The following LRP1B variants were observed in gnomAD, a reference collection of about 807,000 sequenced individuals.
The protein encoded by LRP1B is LDL receptor related protein 1B.
LRP1B carries 217 observed loss-of-function variants against 556.6 expected under a neutral mutation model. That is an observed-to-expected ratio of 0.39 (90% CI 0.35 to 0.44). LRP1B has a LOEUF of 0.44. Ranked by LOEUF, LRP1B falls within the 20% of genes least tolerant of loss-of-function variation. LRP1B has a pLI of 1.00. For missense variants in LRP1B, 5,053 were observed against 5,620.8 expected (o/e 0.90, Z 3.23); for synonymous variants, 2,047 against 1,865.8 (o/e 1.10, Z -2.50).
intron 85 of LRP1B, among the ~76,000 whole-genome samples, chr2:140,272,807 TAATA>T (rs746849077): frequency 4.6e-5 from 7 of 152,030 alleles, no homozygotes; most frequent in Non-Finnish European, 1.0e-4. Context: ...ATAGCCTATT[TAATA>T]AATCAAGTAT....
intron 1 of LRP1B, among the ~76,000 whole-genome samples, chr2:142,001,147 A>G (rs1478103542): frequency 1.3e-5 from 2 of 152,146 alleles, no homozygotes; most frequent in Non-Finnish European, 2.9e-5. Context: ...AACCCCGTGG[A>G]ACTGCAAGTC....
At chr2:140,637,357 A>G (rs961520641) in intron 41 of LRP1B, among the ~76,000 whole-genome samples, 3 of 152,182 alleles carry the variant, frequency 2.0e-5, no homozygotes, top group African/African-American at 7.2e-5. Flanking sequence ...GGTAATTTCA[A>G]TAACTGCAAG....
intron 7 of LRP1B, among the ~76,000 whole-genome samples, chr2:141,090,116 G>A (rs1700140097): frequency 6.6e-6 from 1 of 152,168 alleles, no homozygotes; most frequent in Admixed American, 6.5e-5. Context: ...GATTTGTAAT[G>A]TTGGCCAAGA....
intron 11 of LRP1B, among the ~76,000 whole-genome samples, chr2:141,038,091 C>G (rs938955063): frequency 6.6e-6 from 1 of 150,970 alleles, no homozygotes; most frequent in Admixed American, 6.7e-5. Context: ...AGCTAACTAG[C>G]AGGGACATAT....
chr2:140,616,004 T>C (rs191705805), intron 41 of LRP1B, among the ~76,000 whole-genome samples: 1 of 151,956 alleles, frequency 6.6e-6, no homozygotes, highest in South Asian at 2.1e-4. Flanking sequence ...TCCCTAATAC[T>C]CAAAAATAAT....
chr2:141,073,955 C>A (rs1471674052), intron 7 of LRP1B, among the ~76,000 whole-genome samples: 1 of 152,006 alleles, frequency 6.6e-6, no homozygotes, highest in Non-Finnish European at 1.5e-5. Flanking sequence ...TTTTTCTTAT[C>A]GTAGCCAAAG....
chr2:140,420,029 AAAAGG>A (rs1685367799), intron 66 of LRP1B, among the ~76,000 whole-genome samples: 2 of 151,650 alleles, frequency 1.3e-5, no homozygotes, highest in Non-Finnish European at 2.9e-5. Context: ...AAAAAAAAAA[AAAAGG>A]AAAGTTAGAA....
At chr2:141,436,651 T>C (rs1680776811) in intron 3 of LRP1B, among the ~76,000 whole-genome samples, 1 of 152,150 alleles carries the variant, frequency 6.6e-6, no homozygotes, top group Non-Finnish European at 1.5e-5. Context: ...TTTAATAAAA[T>C]TGTATTATTT....
At chr2:141,730,327 G>A (rs184804338) in intron 2 of LRP1B, among the ~76,000 whole-genome samples, 2 of 152,176 alleles carry the variant, frequency 1.3e-5, no homozygotes, top group Admixed American at 1.3e-4. Flanking sequence ...CATCATTACT[G>A]ATTCAAACTG....
chr2:140,904,443 G>T (rs929926062), intron 22 of LRP1B, among the ~76,000 whole-genome samples: 2 of 15,994 alleles, frequency 1.3e-4, no homozygotes, highest in Admixed American at 2.7e-3. Context: ...GTAAATTGAA[G>T]CAATATTTAT....
intron 25 of LRP1B, among the ~76,000 whole-genome samples, chr2:140,876,252 G>C (rs1018228049): frequency 6.6e-6 from 1 of 152,086 alleles, no homozygotes; most frequent in Admixed American, 6.6e-5. Context: ...CAGAGTCAGA[G>C]AAACTTTGCT....
Position 140,839,987 on chromosome 2 carries a change from T to C in LRP1B, c.5209+4A>G, listed in dbSNP as rs1692048669. The C allele has an allele frequency of 6.3e-7, 1 of 1,597,346 alleles. No homozygotes were observed. Among genetic ancestry groups the C allele is most frequent in the Admixed American group, 1.7e-5 (1 of 58,784 alleles). ...ACTTGGTGACTATTAAAAAAAATAC[T>C]TACCAACTGGCTCCTTCTGATTCTG... On this transcript the variant is annotated splice_donor_region_variant and intron_variant, in intron 31 of 90. Transcript: ENST00000389484.
chr2:141,172,961 T>G (rs547064028), intron 7 of LRP1B, among the ~76,000 whole-genome samples: 1 of 152,156 alleles, frequency 6.6e-6, no homozygotes, highest in Admixed American at 6.6e-5. Flanking sequence ...CAAGCCTATG[T>G]CTTATTTATT....
intron 6 of LRP1B, among the ~76,000 whole-genome samples, chr2:141,189,958 AAAAG>A (rs947295418): frequency 3.6e-4 from 2 of 5,528 alleles, no homozygotes; most frequent in African/African-American, 5.5e-4. Flanking sequence ...GAAAAGGAAG[AAAAG>A]AAAGAAAGAA....
chr2:142,047,524 GT>G (rs34777357), intron 1 of LRP1B, among the ~76,000 whole-genome samples: 117 of 148,546 alleles, frequency 7.9e-4, no homozygotes, highest in Middle Eastern at 3.5e-3. Context: ...GATATTTTAT[GT>G]TTTTTTTTTA....
At chr2:140,476,452 A>G (rs1243178350) in intron 59 of LRP1B, among the ~76,000 whole-genome samples, 1 of 152,010 alleles carries the variant, frequency 6.6e-6, no homozygotes, top group Non-Finnish European at 1.5e-5. Flanking sequence ...CAAATCTAAA[A>G]CATTCTTTAA....
At chr2:141,043,548 G>A (rs1698771382) in intron 11 of LRP1B, among the ~76,000 whole-genome samples, 1 of 151,870 alleles carries the variant, frequency 6.6e-6, no homozygotes, top group Admixed American at 6.6e-5. Flanking sequence ...CAGTTTTTCT[G>A]TTAAAGCTGC....
intron 7 of LRP1B, among the ~76,000 whole-genome samples, chr2:141,073,920 C>T (rs181715185): frequency 1.3e-4 from 20 of 152,166 alleles, no homozygotes; most frequent in South Asian, 4.1e-4. Context: ...TGGCAATTTA[C>T]ACTGTATCTC....
intron 60 of LRP1B, among the ~76,000 whole-genome samples, chr2:140,464,609 A>G (rs1434891629): frequency 1.3e-5 from 2 of 152,240 alleles, no homozygotes; most frequent in African/African-American, 2.4e-5. Flanking sequence ...TGTGAAGTAA[A>G]CAAAGCAACA....
Sources: gnomAD v4.1 joint callset for allele counts (sites outside exome capture counted in the v4.1 genomes callset) on GRCh38, gnomAD v4.1.1 for gene constraint, MANE v1.5 for transcripts, NCBI Gene and HGNC (gene_info 2026-07-23, HGNC 2026-07-21) for gene names.